Variants in SGCD observed in about 807,000 individuals in gnomAD.
SGCD encodes the protein delta-sarcoglycan.
A neutral mutation model predicts 36.6 loss-of-function variants in SGCD; 18 were observed. That is an observed-to-expected ratio of 0.49 (90% CI 0.34 to 0.73). SGCD has a LOEUF of 0.73. Ranked by LOEUF, SGCD falls within the 30% of genes least tolerant of loss-of-function variation. The probability of loss-of-function intolerance (pLI) is 0.01; values close to 1 mark genes in which losing one functional copy is unlikely to be tolerated. For missense variants in SGCD, 387 were observed against 346.7 expected (o/e 1.12, Z -0.92); for synonymous variants, 133 against 130.6 (o/e 1.02, Z -0.12).
At chr5:156,326,192 T>C (rs1767812141), upstream of SGCD, among the ~76,000 whole-genome samples, 1 of 152,202 alleles carries the variant, frequency 6.6e-6, no homozygotes, top group Admixed American at 6.5e-5. Context: ...AGGGGTGTCC[T>C]CCTGTTTTGA....
At chr5:156,707,139 G>C (rs1754777434) in intron 7 of SGCD, among the ~76,000 whole-genome samples, 1 of 152,054 alleles carries the variant, frequency 6.6e-6, no homozygotes, top group Non-Finnish European at 1.5e-5. Context: ...CAAACTTTGG[G>C]CTCTTGGCAT....
intron 1 of SGCD, among the ~76,000 whole-genome samples, chr5:156,055,772 C>T (rs538258048): frequency 1.4e-5 from 2 of 146,138 alleles, no homozygotes; most frequent in East Asian, 3.9e-4. Flanking sequence ...TCTCTTCTAG[C>T]CTCAGAGCCA....
At chr5:156,398,012 A>G (rs902587902) in intron 3 of SGCD, among the ~76,000 whole-genome samples, 7 of 152,180 alleles carry the variant, frequency 4.6e-5, no homozygotes, top group African/African-American at 1.7e-4. Flanking sequence ...ACCCCTTTAT[A>G]CAAGTGTTCC....
At chr5:156,060,000 T>C (rs942640166) in intron 1 of SGCD, among the ~76,000 whole-genome samples, 1 of 146,810 alleles carries the variant, frequency 6.8e-6, no homozygotes, top group East Asian at 1.9e-4. Flanking sequence ...GTCACAAAAC[T>C]GTTCAGGTCA....
intron 3 of SGCD, among the ~76,000 whole-genome samples, chr5:156,485,780 A>G (rs1317638732): frequency 1.3e-5 from 2 of 152,102 alleles, no homozygotes; most frequent in African/African-American, 4.8e-5. Flanking sequence ...GAACACTGAA[A>G]CTCAGCAGGG....
At chr5:155,797,875 C>T in the SGCD span, among the ~76,000 whole-genome samples, 1 of 152,108 alleles carries the variant, frequency 6.6e-6, no homozygotes, top group Admixed American at 6.6e-5. Context: ...TTGAGTTGTC[C>T]CAATTAGCAA....
intron 6 of SGCD, among the ~76,000 whole-genome samples, chr5:156,602,378 T>C (rs1206204621): frequency 1.3e-5 from 2 of 152,148 alleles, no homozygotes; most frequent in South Asian, 2.1e-4. Context: ...GGGTTTTCCA[T>C]ATGTTATATA....
chr5:156,138,096 C>T (rs1762500847), intron 3 of SGCD, among the ~76,000 whole-genome samples: 1 of 152,098 alleles, frequency 6.6e-6, no homozygotes, highest in African/African-American at 2.4e-5. Context: ...AGTGTTCTGC[C>T]TTTTGAAACT....
the SGCD span, among the ~76,000 whole-genome samples, chr5:155,786,637 A>T: frequency 6.6e-6 from 1 of 152,192 alleles, no homozygotes; most frequent in Non-Finnish European, 1.5e-5. Flanking sequence ...TAGAGCTGTC[A>T]GGGACCACCA....
At chr5:156,371,516 G>A (rs538739370) in intron 3 of SGCD, among the ~76,000 whole-genome samples, 1 of 152,352 alleles carries the variant, frequency 6.6e-6, no homozygotes, top group Non-Finnish European at 1.5e-5. Context: ...GGAGCTACAG[G>A]CAGGAGAGAA....
intron 4 of SGCD, among the ~76,000 whole-genome samples, chr5:156,567,162 T>A (rs1053238006): frequency 2.0e-5 from 3 of 152,168 alleles, no homozygotes; most frequent in African/African-American, 7.2e-5. Flanking sequence ...CCTCAGTTCT[T>A]CCCATTTTTC....
intron 1 of SGCD, among the ~76,000 whole-genome samples, chr5:156,021,430 G>A (rs1268555618): frequency 2.0e-5 from 3 of 152,114 alleles, no homozygotes; most frequent in Admixed American, 6.6e-5. Flanking sequence ...TAAGGTGGGA[G>A]GATCGCTTGA....
At chr5:156,410,133 A>T (rs1047319042) in intron 3 of SGCD, among the ~76,000 whole-genome samples, 1 of 152,208 alleles carries the variant, frequency 6.6e-6, no homozygotes, top group Non-Finnish European at 1.5e-5. Context: ...TAAGACATGG[A>T]ATCAACCTAG....
chr5:156,468,744 C>A (rs148528375), intron 3 of SGCD, among the ~76,000 whole-genome samples: 2,949 of 152,304 alleles, frequency 0.019, 33 homozygotes, highest in Non-Finnish European at 0.032. Flanking sequence ...GTAATCCCAG[C>A]ACTTTGGGAG....
At chr5:156,233,642 C>T (rs774568180) in intron 3 of SGCD, among the ~76,000 whole-genome samples, 4 of 152,146 alleles carry the variant, frequency 2.6e-5, no homozygotes, top group Admixed American at 6.5e-5. Context: ...AAAGGGAACA[C>T]GTGACCATGG....
Position 155,964,519 on chromosome 5 carries a change from G to A in SGCD, c.-282+94095G>A, listed in dbSNP as rs537142428. On this transcript the variant is annotated intron_variant, in intron 1 of 9. Transcript: ENST00000517913. ...TTGCCTGGCTAATTTTCTATTTTTC[G>A]TAGAGACAGGGTTTCACTATGTTGG... Among the ~76,000 whole-genome samples the A allele has an allele frequency of 8.5e-5, 13 of 152,058 alleles. No homozygotes were observed. The South Asian group carries it at 1.7e-3, about 19-fold the overall frequency.
chr5:156,412,547 G>GA (rs796137787), intron 3 of SGCD, among the ~76,000 whole-genome samples: 55 of 152,212 alleles, frequency 3.6e-4, no homozygotes, highest in African/African-American at 1.3e-3. Flanking sequence ...TACTCATGAG[G>GA]AAAAAGGGGC....
At chr5:155,877,010 G>A (rs1755781168) in intron 1 of SGCD, among the ~76,000 whole-genome samples, 2 of 152,040 alleles carry the variant, frequency 1.3e-5, no homozygotes, top group East Asian at 3.9e-4. Flanking sequence ...CTATCTTCAA[G>A]GAACTTATGG....
intron 3 of SGCD, among the ~76,000 whole-genome samples, chr5:156,171,222 G>C (rs551755847): frequency 1.3e-5 from 2 of 152,348 alleles, no homozygotes; most frequent in South Asian, 4.1e-4. Flanking sequence ...TTGGCGCCAT[G>C]CTAAGTGGGT....
Sources: gnomAD v4.1 joint callset for allele counts (sites outside exome capture counted in the v4.1 genomes callset) on GRCh38, gnomAD v4.1.1 for gene constraint, MANE v1.5 for transcripts, NCBI Gene and HGNC (gene_info 2026-07-23, HGNC 2026-07-21) for gene names.